MACF1: variants seen among roughly 807,000 people sequenced by gnomAD.
The protein encoded by MACF1 is microtubule-actin cross-linking factor 1.
Under a neutral mutation model 854.8 loss-of-function variants are expected in MACF1, and 193 were observed. The ratio of observed to expected loss-of-function variants is 0.23; its 90% CI spans 0.20 to 0.25. The LOEUF (loss-of-function observed/expected upper bound fraction) is 0.25. Among genes scored for constraint, MACF1 ranks in the 10% least tolerant of loss-of-function variants. The pLI is 1.00. For synonymous variants in MACF1, 3,185 were observed against 3,226.7 expected, an observed-to-expected ratio of 0.99 and a Z score of 0.44; for missense variants, 7,722 against 8,929.1, an observed-to-expected ratio of 0.86 and a Z score of 5.45.
At position 39,428,129 on chromosome 1, in the gene MACF1, G is replaced by A. The variant is rs774832930; in HGVS notation, c.16645G>A (p.Ala5549Thr). ...AATTCAAGACCGCTGTTGTCGGAAG[G>A]CAGCCCTACTTGACCAAGCTCTGTC... ...SEIQDRCCRK[A>T]ALLDQALSNA... The change falls in exon 63 of 101, where the codon GCA (alanine) becomes ACA (threonine). Residue 5549 changes from alanine (A) to threonine (T), a missense_variant. Physicochemically the swap from Ala to Thr is moderately conservative, Grantham distance 58 (BLOSUM62 0). Around this residue, in one of 15 missense-constraint regions of MACF1, gnomAD observed 2,807 missense variants for 3,235.8 expected, o/e 0.87. Transcript: ENST00000564288. 1.9e-6 allele frequency: 3 copies of A among 1,614,206 alleles called. No homozygotes were observed. The highest frequency in any genetic ancestry group is 2.2e-5 in the South Asian group (2 of 91,080).
rs189639100 is a variant in MACF1, at chr1:39,115,343, G to T, written c.220+30905G>T. Among the ~76,000 whole-genome samples, 6 of 152,080 alleles carry T rather than the reference G, an allele frequency of 3.9e-5. No individual in the cohort carries two copies. The East Asian group carries it at 1.2e-3, about 29-fold the overall frequency. ...CAGGCAAATCAAGAAATGTGAAGGG[G>T]TAACATCCATGTGTTTTGATGACTA... On this transcript the variant is annotated intron_variant, in intron 2 of 93. Coordinates refer to the MACF1 transcript ENST00000361689.
chr1:39,423,797 T>C (rs1388439631), intron 60 of MACF1, among the ~76,000 whole-genome samples: 2 of 152,044 alleles, frequency 1.3e-5, no homozygotes, highest in African/African-American at 4.8e-5. Flanking sequence ...AGTTCCCTGT[T>C]AGTCACATAA....
At chr1:39,161,068 A>G (rs998659767) in intron 2 of MACF1, among the ~76,000 whole-genome samples, 3 of 152,132 alleles carry the variant, frequency 2.0e-5, no homozygotes, top group Admixed American at 1.3e-4. Flanking sequence ...AATTCCTATG[A>G]ATTTTTGGTG....
chr1:39,322,210 T>C (rs1326454193), intron 31 of MACF1, among the ~76,000 whole-genome samples: 1 of 152,204 alleles, frequency 6.6e-6, no homozygotes, highest in African/African-American at 2.4e-5. Context: ...TTGGTCAGAC[T>C]GCAACTAAGG....
At chr1:39,353,375 C>T in intron 44 of MACF1, 144 bp downstream of exon 44, 1 of 596,502 alleles carries the variant, frequency 1.7e-6, no homozygotes, top group South Asian at 2.5e-5. Context: ...ACACTGTTGG[C>T]CACTCCTCTT....
In MACF1 at chr1:39,300,383, C is replaced by T. The variant is rs2275186; in HGVS notation, c.2634+21C>T. On this transcript the variant is annotated intron_variant, in intron 22 of 100. Transcript: ENST00000564288. The stretch of plus-strand genomic sequence containing the variant: ...TCGAGGTGAGGAGGTAGAAAGGGTA[C>T]CTCTGGGCCACAGGGGGAAGGAAGA... The T allele has an allele frequency of 0.69, 1,104,151 of 1,606,680 alleles. 385,213 individuals carry two copies. Among genetic ancestry groups the T allele is most frequent in the South Asian group, 0.79 (70,902 of 90,186 alleles).
intron 2 of MACF1, among the ~76,000 whole-genome samples, chr1:39,110,918 G>A (rs1192090155): frequency 6.6e-6 from 1 of 152,164 alleles, no homozygotes; most frequent in African/African-American, 2.4e-5. Context: ...AACATCCCAA[G>A]ATCAAAAGTC....
chr1:39,371,816 C>CTTTTTTTTTT (rs570266079), intron 51 of MACF1, among the ~76,000 whole-genome samples: 1 of 137,744 alleles, frequency 7.3e-6, no homozygotes. Flanking sequence ...TCTTTCTTTG[C>CTTTTTTTTTT]TTTTTTTTTT....
rs1246242541 is a variant in MACF1 at position 39,439,482 on chromosome 1, A to G, written c.18429A>G (p.Gln6143=). The G allele has an allele frequency of 1.9e-6, 3 of 1,613,994 alleles. No individual in the cohort carries two copies. In the South Asian group the frequency reaches 3.3e-5, roughly 18 times the overall value. ...GCATTGATCCTTCCATCATCAAACA[A>G]CAGGTTGAAGCTGCTGAGGTAAGAA... The part of the protein sequence containing the change: ...SPGIDPSIIK[Q]QVEAAETIKE... The change falls in exon 72 of 101, where the codon CAA becomes CAG. Residue 6143 remains glutamine (Q), a synonymous_variant. Transcript: ENST00000564288.
rs142786949 is a variant in MACF1 at position 39,198,279 on chromosome 1, C to T, written c.221-32903C>T. Among the ~76,000 whole-genome samples the T allele has an allele frequency of 9.5e-3, 1,438 of 152,160 alleles. 21 individuals are homozygous for T. Among genetic ancestry groups the T allele is most frequent in the African/African-American group, 0.032 (1,337 of 41,506 alleles). ...ATCCCAGCAGTTTGGGAGGCCCAGG[C>T]GGATGGATCACCTGAGGTCAGGAGT... On this transcript the variant is annotated intron_variant, in intron 2 of 93. Coordinates refer to the MACF1 transcript ENST00000361689.
intron 2 of MACF1, among the ~76,000 whole-genome samples, chr1:39,233,775 CTTTTTTTTTTT>C (rs11286953): frequency 2.7e-5 from 1 of 36,516 alleles, no homozygotes; most frequent in Non-Finnish European, 6.4e-5. Context: ...CTAGCCATAG[CTTTTTTTTTTT>C]TTTTTTTTTT....
rs765003198 is a variant in MACF1 at position 39,353,072 on chromosome 1, T to G, written c.11265T>G (p.Thr3755=). The change falls in exon 44 of 101, where the codon ACT becomes ACG. Residue 3755 remains threonine (T), a synonymous_variant. Coordinates refer to ENST00000564288, the MANE Select transcript of MACF1 (RefSeq NM_001394062.1). The part of the protein sequence containing the change: ...KKIDALLDWV[T]SVGSSGGQLL... ...TCGATGCTCTCCTGGATTGGGTAAC[T>G]TCAGTAGGATCATCTGGTGGACAGC... The G allele has an allele frequency of 1.2e-6, 2 of 1,614,126 alleles. No individual in the cohort carries two copies. Among genetic ancestry groups the G allele is most frequent in the East Asian group, 4.5e-5 (2 of 44,870 alleles).
intron 97 of MACF1, 76 bp from the exon 98 acceptor site, chr1:39,479,722 T>A (rs1570237673): frequency 7.7e-7 from 1 of 1,305,930 alleles, no homozygotes; most frequent in East Asian, 2.4e-5. Context: ...TATCATGGGG[T>A]CAAGCCGCTG....
chr1:39,454,858 A>G (rs978983727), intron 88 of MACF1, 51 bp from the exon 89 acceptor site: 1 of 1,491,358 alleles, frequency 6.7e-7, no homozygotes, highest in Non-Finnish European at 9.1e-7. Flanking sequence ...TTTGGAAACA[A>G]AGGGGGTATG....
intron 16 of MACF1, 132 bp downstream of exon 16, chr1:39,292,170 A>G: frequency 9.5e-7 from 1 of 1,049,830 alleles, no homozygotes; most frequent in Non-Finnish European, 1.3e-6. Context: ...AGAGCGGTTT[A>G]TGACAAATTC....
chr1:39,411,340 G>C (rs369504193), intron 58 of MACF1: 109 of 1,613,922 alleles, frequency 6.8e-5, no homozygotes, highest in Middle Eastern at 1.6e-4. Context: ...CAGCCTGGCA[G>C]ATATTTTTGA....
intron 58 of MACF1, among the ~76,000 whole-genome samples, chr1:39,408,359 C>A (rs1288374173): frequency 1.3e-5 from 2 of 152,192 alleles, no homozygotes; most frequent in African/African-American, 4.8e-5. Context: ...TGACCGAATT[C>A]CTTTGGGACA....
intron 6 of MACF1, among the ~76,000 whole-genome samples, chr1:39,263,898 C>T (rs1174598641): frequency 6.6e-6 from 1 of 151,534 alleles, no homozygotes; most frequent in Non-Finnish European, 1.5e-5. Flanking sequence ...CTCAGCCTCC[C>T]GAGTAGCTGG....
Position 39,409,203 on chromosome 1 carries a change from G to T in MACF1, c.15817-13171G>T, listed in dbSNP as rs1014771063. Among the ~76,000 whole-genome samples the T allele has an allele frequency of 1.3e-5, 2 of 152,056 alleles. No individual in the cohort carries two copies. Among genetic ancestry groups the T allele is most frequent in the African/African-American group, 4.8e-5 (2 of 41,422 alleles). ...TGCATGCCGGGACCGTGACAGCTGCGGGCGGGGAGGACGGCGGGGCCGCGG... is the reference window on the plus strand; with the variant it reads ...TGCATGCCGGGACCGTGACAGCTGCTGGCGGGGAGGACGGCGGGGCCGCGG... On this transcript the variant is annotated intron_variant, in intron 58 of 100. Coordinates refer to ENST00000564288, the MANE Select transcript of MACF1 (RefSeq NM_001394062.1). The surrounding 1 kb of genome is among the most constrained non-coding windows in gnomAD (Gnocchi z 4.2).
Sources: gnomAD v4.1 joint callset for allele counts (sites outside exome capture counted in the v4.1 genomes callset) on GRCh38, gnomAD v4.1.1 for gene constraint, gnomAD v4.1.1 regional missense constraint, Gnocchi (gnomAD v3.1) non-coding constraint, MANE v1.5 for transcripts, NCBI Gene and HGNC (gene_info 2026-07-23, HGNC 2026-07-21) for gene names.